The following UMAD1 variants were observed in gnomAD, a reference collection of about 807,000 sequenced individuals.
UMAD1 encodes the protein UBAP1-MVB12-associated (UMA) domain containing 1.
UMAD1 carries 8 observed loss-of-function variants against 6.1 expected under a neutral mutation model. The ratio of observed to expected loss-of-function variants is 1.30; its 90% CI spans 0.76 to 2.35. The LOEUF (loss-of-function observed/expected upper bound fraction) is 2.35. UMAD1 is among the 30% of genes most tolerant of loss of function. UMAD1 has a pLI of 0.00. For synonymous variants in UMAD1, 56 were observed against 31.4 expected, an observed-to-expected ratio of 1.78 and a Z score of -2.61; for missense variants, 130 against 78.4, an observed-to-expected ratio of 1.66 and a Z score of -2.49.
chr7:7,658,345 G>C (rs553356812), intron 1 of UMAD1, among the ~76,000 whole-genome samples: 1 of 152,214 alleles, frequency 6.6e-6, no homozygotes, highest in South Asian at 2.1e-4. Context: ...TTCTAATACT[G>C]TGTTGAATAG....
intron 2 of UMAD1, among the ~76,000 whole-genome samples, chr7:7,717,060 CT>C (rs766644906): frequency 1.2e-3 from 169 of 141,558 alleles, no homozygotes; most frequent in South Asian, 2.0e-3. Context: ...TTCTTTTTTT[CT>C]TTTTTTTTTT....
intron 3 of UMAD1, among the ~76,000 whole-genome samples, chr7:7,826,199 TA>T (rs1490079156): frequency 1.3e-5 from 2 of 152,148 alleles, no homozygotes; most frequent in Admixed American, 1.3e-4. Context: ...CTGGTGGCCT[TA>T]ACAAAACAGG....
chr7:7,826,384 G>A (rs1783342111), intron 3 of UMAD1, among the ~76,000 whole-genome samples: 1 of 152,046 alleles, frequency 6.6e-6, no homozygotes, highest in Non-Finnish European at 1.5e-5. Flanking sequence ...CTAGTACTAA[G>A]TCTCACAAAT....
chr7:7,846,190 T>A (rs78548244), intron 3 of UMAD1, among the ~76,000 whole-genome samples: 7,382 of 152,284 alleles, frequency 0.048, 276 homozygotes, highest in Non-Finnish European at 0.07. Context: ...TGTAAGGTAG[T>A]TGTGCAGATT....
chr7:7,812,097 A>T (rs529188385), intron 3 of UMAD1, among the ~76,000 whole-genome samples: 2 of 152,304 alleles, frequency 1.3e-5, no homozygotes, highest in African/African-American at 4.8e-5. Context: ...TGGAAAAATT[A>T]TAATTGAAAG....
At chr7:7,700,661 G>A (rs1424865392) in intron 2 of UMAD1, among the ~76,000 whole-genome samples, 1 of 152,234 alleles carries the variant, frequency 6.6e-6, no homozygotes, top group Non-Finnish European at 1.5e-5. Context: ...GCCTAGGTGA[G>A]CAGATCACCC....
intron 2 of UMAD1, among the ~76,000 whole-genome samples, chr7:7,702,836 T>C (rs535087491): frequency 3.9e-5 from 6 of 152,292 alleles, no homozygotes; most frequent in African/African-American, 1.4e-4. Flanking sequence ...AAAAAATGCT[T>C]AGAGACAAGT....
intron 3 of UMAD1, among the ~76,000 whole-genome samples, chr7:7,833,527 G>A (rs1394539659): frequency 6.6e-6 from 1 of 152,138 alleles, no homozygotes; most frequent in East Asian, 1.9e-4. Flanking sequence ...ACAGAGTGCA[G>A]GTGGTCAACA....
At chr7:7,646,776 A>G (rs541453875) in intron 1 of UMAD1, among the ~76,000 whole-genome samples, 8 of 152,034 alleles carry the variant, frequency 5.3e-5, no homozygotes, top group African/African-American at 1.9e-4. Context: ...ACTCCCCTCG[A>G]CACTCAGATG....
chr7:7,775,605 A>G (rs1441788367), intron 2 of UMAD1, among the ~76,000 whole-genome samples: 1 of 152,216 alleles, frequency 6.6e-6, no homozygotes, highest in Non-Finnish European at 1.5e-5. Flanking sequence ...ATGGACTAAT[A>G]CACTACTACA....
At chr7:7,851,003 T>C (rs1022536551) in intron 3 of UMAD1, among the ~76,000 whole-genome samples, 3 of 152,156 alleles carry the variant, frequency 2.0e-5, no homozygotes, top group African/African-American at 7.2e-5. Flanking sequence ...TTCAAAGATA[T>C]ATAAAACCTA....
intron 1 of UMAD1, among the ~76,000 whole-genome samples, chr7:7,662,089 C>T (rs988725629): frequency 3.9e-5 from 6 of 152,156 alleles, no homozygotes; most frequent in Non-Finnish European, 7.3e-5. Context: ...GGATCTTTCC[C>T]GGCATCTTTG....
At position 7,878,236 on chromosome 7, in the gene UMAD1, CT is replaced by C. The variant is rs1459416161; in HGVS notation, c.*701del. The stretch of plus-strand genomic sequence containing the variant: ...CTACTTCAGTGTGCTCTCTGACCAG[CT>C]TTCCAAAGAACTTTCCCTGCTTCTG... On this transcript the variant is annotated 3_prime_UTR_variant, in exon 4 of 4. Transcript: ENST00000682710. 2 of 152,382 alleles carry C rather than the reference CT, an allele frequency of 1.3e-5. No homozygotes were observed. Among genetic ancestry groups the C allele is most frequent in the Non-Finnish European group, 1.5e-5 (1 of 68,138 alleles). 9.4% of individuals were successfully genotyped at this position (152,382 alleles called of 1,614,324 possible). A position where few individuals can be genotyped will look rare whatever the true frequency, so the allele number is the denominator to read the frequency against.
chr7:7,826,679 T>A (rs548627036), intron 3 of UMAD1, among the ~76,000 whole-genome samples: 10 of 152,184 alleles, frequency 6.6e-5, no homozygotes, highest in African/African-American at 2.2e-4. Context: ...AGGAGGGGAC[T>A]AGGGTAAAAC....
intron 2 of UMAD1, among the ~76,000 whole-genome samples, chr7:7,699,858 G>A (rs1013543307): frequency 2.0e-5 from 3 of 152,240 alleles, no homozygotes; most frequent in African/African-American, 7.2e-5. Context: ...CTGAGCTCTG[G>A]GTTATAAGTA....
chr7:7,667,758 A>G (rs549395851), intron 1 of UMAD1, among the ~76,000 whole-genome samples: 1 of 152,348 alleles, frequency 6.6e-6, no homozygotes, highest in East Asian at 1.9e-4. Flanking sequence ...GAAATATTAT[A>G]TTAAAGAAAG....
At chr7:7,658,062 C>G (rs922873962) in intron 1 of UMAD1, among the ~76,000 whole-genome samples, 1 of 151,686 alleles carries the variant, frequency 6.6e-6, no homozygotes, top group Middle Eastern at 3.2e-3. Flanking sequence ...GTATTTTATT[C>G]TCTGTAGCAA....
chr7:7,842,872 G>C (rs767977804), intron 3 of UMAD1, among the ~76,000 whole-genome samples: 4 of 152,152 alleles, frequency 2.6e-5, no homozygotes, highest in Admixed American at 2.6e-4. Flanking sequence ...TTGTTAAAAA[G>C]GTAGACAGTG....
intron 3 of UMAD1, among the ~76,000 whole-genome samples, chr7:7,809,923 C>G (rs903417175): frequency 4.6e-5 from 7 of 151,834 alleles, no homozygotes; most frequent in African/African-American, 1.7e-4. Flanking sequence ...ATTTGTGAAT[C>G]CCATGTGATA....
Sources: gnomAD v4.1 joint callset for allele counts (sites outside exome capture counted in the v4.1 genomes callset) on GRCh38, gnomAD v4.1.1 for gene constraint, MANE v1.5 for transcripts, NCBI Gene and HGNC (gene_info 2026-07-23, HGNC 2026-07-21) for gene names.